The following TOP3B variants were observed in gnomAD, a reference collection of about 807,000 sequenced individuals.
The protein encoded by TOP3B is DNA topoisomerase III beta, also known as DNA topoisomerase 3-beta-1.
TOP3B carries 45 observed loss-of-function variants against 93.9 expected under a neutral mutation model. The observed-to-expected ratio is 0.48, with a 90% CI of 0.38 to 0.61. TOP3B has a LOEUF of 0.61. Ranked by LOEUF, TOP3B falls within the 20% of genes least tolerant of loss-of-function variation. TOP3B has a pLI of 0.00. For missense variants in TOP3B, 750 were observed against 1,156.1 expected (o/e 0.65, Z 5.09); for synonymous variants, 357 against 472.6 (o/e 0.76, Z 3.17).
chr22:21,976,696 C>G (rs894286358), intron 1 of TOP3B: 1 of 152,226 alleles, frequency 6.6e-6, no homozygotes, highest in Non-Finnish European at 1.5e-5. Context: ...GGCTTTGTGT[C>G]TGAATCACTG....
intron 1 of TOP3B, 144 bp from the exon 2 acceptor site, chr22:21,975,951 C>T: frequency 2.3e-6 from 1 of 431,228 alleles, no homozygotes; most frequent in South Asian, 1.0e-4. Flanking sequence ...AACTTGAAGA[C>T]ATCTGAGATT....
At chr22:21,959,076 A>T (rs2071052077) in intron 16 of TOP3B, 56 bp downstream of exon 16, 5 of 1,590,506 alleles carry the variant, frequency 3.1e-6, no homozygotes, top group Non-Finnish European at 4.3e-6. Flanking sequence ...TCAACGATAA[A>T]GCTGAGGCCT....
chr22:21,960,763 T>C, intron 13 of TOP3B: 1 of 335,918 alleles, frequency 3.0e-6, no homozygotes, highest in Non-Finnish European at 5.7e-6. Flanking sequence ...GCCTGGAAAA[T>C]GTGACTTCTA....
rs765973749 is a variant in TOP3B, at chr22:21,964,360, G to A, written c.944-45C>T. 1.1e-5 allele frequency: 17 copies of A among 1,606,416 alleles called. No individual in the cohort carries two copies. The African/African-American group carries it at 2.1e-4, about 20-fold the overall frequency. On this transcript the variant is annotated intron_variant, in intron 9 of 17. Coordinates refer to ENST00000357179, the MANE Select transcript of TOP3B (RefSeq NM_001282112.2). ...CTCAGAGGGCCAGGTACGTGGGGAT[G>A]GCCAGCTGCCTGCCCTGGCCTATGC...
chr22:21,965,103 A>G, intron 9 of TOP3B, 182 bp downstream of exon 9: 1 of 429,918 alleles, frequency 2.3e-6, no homozygotes, highest in Non-Finnish European at 4.1e-6. Flanking sequence ...TAACATCAGG[A>G]GGTCCCCTCA....
intron 13 of TOP3B, chr22:21,962,220 AG>A: frequency 6.7e-7 from 1 of 1,497,200 alleles, no homozygotes; most frequent in Admixed American, 2.1e-5. Context: ...TTCACAGGGA[AG>A]GCCAGGTCCT....
intron 6 of TOP3B, 75 bp from the exon 7 acceptor site, chr22:21,968,850 C>T: frequency 6.5e-7 from 1 of 1,547,970 alleles, no homozygotes; most frequent in East Asian, 2.3e-5. Context: ...TGAGTCCAGC[C>T]CAAGGCCAGG....
chr22:21,965,417 C>G, intron 8 of TOP3B, 42 bp from the exon 9 acceptor site: 1 of 1,383,210 alleles, frequency 7.2e-7, no homozygotes, highest in Non-Finnish European at 1.0e-6. Flanking sequence ...AGGAGGAAGA[C>G]ACCACCATAG....
Position 21,971,908 on chromosome 22 carries a change from C to T in TOP3B, c.353G>A (p.Cys118Tyr). 1 of 1,614,048 alleles carries T rather than the reference C, an allele frequency of 6.2e-7. No individual in the cohort carries two copies. Among genetic ancestry groups the T allele is most frequent in the Non-Finnish European group, 8.5e-7 (1 of 1,180,012 alleles). ...GCDYIVLWLD[C>Y]DKEGENICFE... ...GCAGATGTTCTCCCCCTCCTTGTCGCAGTCCAGCCACAGCACGATGTAGTC... is the reference window on the plus strand; with the variant it reads ...GCAGATGTTCTCCCCCTCCTTGTCGTAGTCCAGCCACAGCACGATGTAGTC... The change falls in exon 5 of 18, where the codon TGC becomes TAC. Residue 118 changes from cysteine to tyrosine, a missense_variant. Cys to Tyr is a radical substitution (Grantham distance 194, BLOSUM62 -2). This residue lies in a region of TOP3B where 737 missense variants were observed against 933.7 expected (regional missense o/e 0.79). Transcript: ENST00000357179. The surrounding 1 kb of genome is among the most constrained non-coding windows in gnomAD (Gnocchi z 4.6).
Position 21,959,188 on chromosome 22 carries a change from T to G in TOP3B, c.1849A>C (p.Thr617Pro). 2 of 1,613,720 alleles carry G rather than the reference T, an allele frequency of 1.2e-6. No individual in the cohort carries two copies. The highest frequency in any genetic ancestry group is 1.7e-6 in the Non-Finnish European group (2 of 1,179,990). The part of the protein sequence containing the change: ...MEVSFSPLAA[T>P]GKPLSRCGKC... ...CCACAGCGTGAGAGGGGCTTGCCTG[T>G]GGCCGCCAGGGGCGAGAAAGACACC... Residue 617 changes from threonine (T) to proline (P), a missense_variant, in exon 16 of 18, where the codon ACA becomes CCA. Thr to Pro is a conservative substitution (Grantham distance 38). Transcript: ENST00000357179.
intron 3 of TOP3B, chr22:21,974,113 G>C: frequency 2.5e-6 from 1 of 396,348 alleles, no homozygotes; most frequent in East Asian, 4.9e-5. Flanking sequence ...TACATAGGAA[G>C]GCACACAGGG....
chr22:21,958,782 AAT>A, intron 16 of TOP3B, 89 bp from the exon 17 acceptor site: 3 of 1,460,370 alleles, frequency 2.1e-6, no homozygotes, highest in South Asian at 2.8e-5. Context: ...CAAAGTATGT[AAT>A]CTGTCATGCA....
intron 11 of TOP3B, 39 bp from the exon 12 acceptor site, chr22:21,962,932 G>A: frequency 1.2e-6 from 2 of 1,602,942 alleles, no homozygotes; most frequent in East Asian, 2.2e-5. Flanking sequence ...GAGCCAGCTG[G>A]GGGCTCTGGC....
intron 13 of TOP3B, chr22:21,961,232 G>A (rs112587048): frequency 0.042 from 6,325 of 152,382 alleles, 193 homozygotes; most frequent in South Asian, 0.11. Context: ...CTCTGCACCC[G>A]GTGTGGCAGG....
rs2071634176 is a variant in TOP3B at position 21,971,403 on chromosome 22, C to T, written c.384+474G>A. On this transcript the variant is annotated intron_variant, in intron 5 of 17. Coordinates refer to ENST00000357179, the MANE Select transcript of TOP3B (RefSeq NM_001282112.2). This position sits in a 1 kb window ranked among gnomAD's most constrained non-coding sequence, Gnocchi z 4.6. ...GGTGTGCACAGGGAGCAGCTGCCAC[C>T]TGCTTCTCTGCAGGGCTCCCAGGGT... 3.2e-6 allele frequency: 1 copy of T among 309,400 alleles called. No homozygotes were observed. The allele number at this position is 309,400 out of a possible 1,614,324, so 19.2% of individuals were successfully genotyped here.
Position 21,968,784 on chromosome 22 carries a change from A to G in TOP3B, c.582-9T>C, listed in dbSNP as rs2071515564. On this transcript the variant is annotated splice_polypyrimidine_tract_variant and intron_variant, in intron 6 of 17. Transcript: ENST00000357179. ...AATATTTAGTCTGAAACCTGGAGGG[A>G]GTGGAAAGATATTTTGGTCACTGAT... is the stretch of plus-strand genomic sequence containing the variant. 1 of 1,613,772 alleles carries G rather than the reference A, an allele frequency of 6.2e-7. No individual in the cohort carries two copies. The highest frequency in any genetic ancestry group is 1.1e-5 in the South Asian group (1 of 91,084).
intron 7 of TOP3B, 195 bp from the exon 8 acceptor site, chr22:21,967,911 A>C: frequency 1.8e-6 from 1 of 561,026 alleles, no homozygotes. Context: ...CACTTGCCCC[A>C]AAACCAGGCA....
intron 15 of TOP3B, 116 bp from the exon 16 acceptor site, chr22:21,959,348 GT>G: frequency 6.5e-7 from 1 of 1,528,736 alleles, no homozygotes; most frequent in Non-Finnish European, 8.8e-7. Flanking sequence ...GGTTTCTACT[GT>G]CCTGGCAGCA....
chr22:21,967,763 G>A (rs1569150323), intron 7 of TOP3B, 47 bp from the exon 8 acceptor site: 1 of 1,491,688 alleles, frequency 6.7e-7, no homozygotes, highest in African/African-American at 1.4e-5. Context: ...AAAGTCTCCA[G>A]GTGAGCCCAA....
Sources: allele counts gnomAD v4.1 joint callset, GRCh38; gene constraint gnomAD v4.1.1; regional missense constraint gnomAD v4.1.1; non-coding constraint Gnocchi (gnomAD v3.1); transcripts MANE v1.5; gene names NCBI Gene and HGNC (gene_info 2026-07-23, HGNC 2026-07-21).